Variants in FILIP1 observed in about 807,000 individuals in gnomAD.
FILIP1 encodes the protein filamin A interacting protein 1.
A neutral mutation model predicts 102.1 loss-of-function variants in FILIP1; 61 were observed. That is an observed-to-expected ratio of 0.60 (90% CI 0.49 to 0.74). The LOEUF (loss-of-function observed/expected upper bound fraction) is 0.74, where lower values mean the gene tolerates loss of function less well. FILIP1 is among the 30% of genes least tolerant of loss of function. The pLI, the probability that FILIP1 is intolerant of heterozygous loss-of-function variation, is 0.00. For missense variants in FILIP1, 1,314 were observed against 1,441.2 expected (o/e 0.91, Z 1.43); for synonymous variants, 491 against 526.9 (o/e 0.93, Z 0.93).
At chr6:75,440,766 A>G (rs1049961167) in intron 1 of FILIP1, among the ~76,000 whole-genome samples, 2 of 152,122 alleles carry the variant, frequency 1.3e-5, no homozygotes, top group Admixed American at 6.5e-5. Flanking sequence ...CCTGACCAAC[A>G]TGGAGAAACA....
intron 1 of FILIP1, among the ~76,000 whole-genome samples, chr6:75,478,237 A>G (rs1779545378): frequency 6.6e-6 from 1 of 152,184 alleles, no homozygotes. Context: ...ACTCGGGGTA[A>G]TGTTTCAGGA....
At chr6:75,457,431 G>T (rs1243799301) in intron 1 of FILIP1, among the ~76,000 whole-genome samples, 1 of 152,170 alleles carries the variant, frequency 6.6e-6, no homozygotes, top group Non-Finnish European at 1.5e-5. Flanking sequence ...TATGACTGAT[G>T]TGGGGTAAAA....
rs1773291287 is a variant in FILIP1, at chr6:75,313,502, T to G, written c.2330A>C (p.Glu777Ala). The G allele has an allele frequency of 1.2e-6, 2 of 1,614,206 alleles. No individual in the cohort carries two copies. Among genetic ancestry groups the G allele is most frequent in the Admixed American group, 3.3e-5 (2 of 60,020 alleles). The change falls in exon 5 of 6, where the codon GAG (glutamate) becomes GCG (alanine). Residue 777 changes from glutamate to alanine, a missense_variant. This residue lies in a region of FILIP1 where 816 missense variants were observed against 913.1 expected (regional missense o/e 0.89). Transcript: ENST00000237172. The surrounding 1 kb of genome is among the most constrained non-coding windows in gnomAD (Gnocchi z 4.2). Reference sequence around the variant, plus strand: ...AGCTCTGCTGTAGCGCTTGGAAAGCTCCAACTCTTTGGTCAGATTGAGAAC... The same window carrying G: ...AGCTCTGCTGTAGCGCTTGGAAAGCGCCAACTCTTTGGTCAGATTGAGAAC... ...QEVLNLTKELELSKRYSRALR... is the reference protein window; with the variant it reads ...QEVLNLTKELALSKRYSRALR...
chr6:75,432,012 C>T (rs1777839381), intron 1 of FILIP1, among the ~76,000 whole-genome samples: 1 of 152,112 alleles, frequency 6.6e-6, no homozygotes, highest in Non-Finnish European at 1.5e-5. Context: ...CTAGCCAGGA[C>T]CAAAGACTTA....
exon 7 of FILIP1, chr6:75,292,201 A>T (rs916513969): frequency 3.9e-5 from 6 of 152,256 alleles, no homozygotes; most frequent in Non-Finnish European, 7.3e-5. Context: ...TTTTGAAAAC[A>T]CTTAGACCTA....
chr6:75,334,360 T>A (rs1206614305), intron 4 of FILIP1, among the ~76,000 whole-genome samples: 1 of 152,112 alleles, frequency 6.6e-6, no homozygotes, highest in Non-Finnish European at 1.5e-5. Flanking sequence ...AATCAAGGAT[T>A]CTGAGGCATC....
At chr6:75,428,088 C>A (rs1443738202) in intron 1 of FILIP1, among the ~76,000 whole-genome samples, 1 of 152,160 alleles carries the variant, frequency 6.6e-6, no homozygotes, top group East Asian at 1.9e-4. Flanking sequence ...AAGAACACAG[C>A]AGACATATCT....
At chr6:75,431,446 G>T (rs1200306065) in intron 1 of FILIP1, among the ~76,000 whole-genome samples, 1 of 152,084 alleles carries the variant, frequency 6.6e-6, no homozygotes, top group Non-Finnish European at 1.5e-5. Context: ...ACCAGGGAGG[G>T]TGTCCTTTAC....
chr6:75,325,095 C>T (rs1307047180), intron 4 of FILIP1, among the ~76,000 whole-genome samples: 4 of 152,106 alleles, frequency 2.6e-5, no homozygotes, highest in African/African-American at 9.7e-5. Flanking sequence ...TGGAACCTAA[C>T]TAAACTAAAA....
At chr6:75,454,056 G>A (rs1298771878) in intron 1 of FILIP1, 18 of 455,940 alleles carry the variant, frequency 3.9e-5, no homozygotes, top group East Asian at 6.9e-5. Context: ...CAGATACAGC[G>A]TGGCTTAATT....
intron 1 of FILIP1, among the ~76,000 whole-genome samples, chr6:75,474,146 GTCT>G (rs1046226558): frequency 2.2e-4 from 33 of 152,090 alleles, no homozygotes; most frequent in East Asian, 1.4e-3. Flanking sequence ...TAGAAATATA[GTCT>G]TCTTATTTTT....
chr6:75,363,829 C>T (rs570379943), intron 2 of FILIP1, among the ~76,000 whole-genome samples: 214 of 152,222 alleles, frequency 1.4e-3, no homozygotes, highest in Non-Finnish European at 2.5e-3. Flanking sequence ...TGACTTCATT[C>T]CAACTTATAC....
chr6:75,387,228 A>T (rs9443170), intron 2 of FILIP1, among the ~76,000 whole-genome samples: 88,137 of 151,934 alleles, frequency 0.58, 25,861 homozygotes, highest in South Asian at 0.7. Flanking sequence ...ATAGTATTCC[A>T]TGGCGTATAT....
intron 4 of FILIP1, among the ~76,000 whole-genome samples, chr6:75,330,162 A>G (rs752214708): frequency 3.3e-4 from 51 of 152,312 alleles, no homozygotes; most frequent in South Asian, 2.5e-3. Flanking sequence ...TAAATAGTTC[A>G]TTAAAATATA....
At chr6:75,326,825 T>G (rs1352076593) in intron 4 of FILIP1, among the ~76,000 whole-genome samples, 2 of 152,240 alleles carry the variant, frequency 1.3e-5, no homozygotes, top group African/African-American at 4.8e-5. Flanking sequence ...AGACTCTGTT[T>G]AGGTTAACTT....
chr6:75,305,446 G>A (rs1041932176), downstream of FILIP1, among the ~76,000 whole-genome samples: 10 of 152,026 alleles, frequency 6.6e-5, no homozygotes, highest in South Asian at 8.3e-4. Flanking sequence ...GAAGACATTC[G>A]AGTAAGAGCT....
At chr6:75,485,059 T>G (rs1779745468) in intron 1 of FILIP1, among the ~76,000 whole-genome samples, 1 of 152,134 alleles carries the variant, frequency 6.6e-6, no homozygotes, top group South Asian at 2.1e-4. Context: ...TTTTTCTGGG[T>G]GGGTGAAAAA....
At chr6:75,437,733 C>G (rs1385776777) in intron 1 of FILIP1, among the ~76,000 whole-genome samples, 5 of 152,104 alleles carry the variant, frequency 3.3e-5, no homozygotes, top group African/African-American at 7.2e-5. Context: ...CATGTTTGAG[C>G]TGGGGAGGAA....
At chr6:75,335,063 C>T (rs571393125) in intron 4 of FILIP1, among the ~76,000 whole-genome samples, 31 of 152,202 alleles carry the variant, frequency 2.0e-4, no homozygotes, top group African/African-American at 7.5e-4. Context: ...GCCTCACTCC[C>T]GATTTCTCAA....
Sources: allele counts gnomAD v4.1 joint callset (sites outside exome capture counted in the v4.1 genomes callset), GRCh38; gene constraint gnomAD v4.1.1; regional missense constraint gnomAD v4.1.1; non-coding constraint Gnocchi (gnomAD v3.1); transcripts MANE v1.5; gene names NCBI Gene and HGNC (gene_info 2026-07-23, HGNC 2026-07-21).